Variants in ZBED4 observed in about 807,000 individuals in gnomAD.
ZBED4 encodes the protein zinc finger BED-type containing 4, also known as zinc finger BED domain-containing protein 4.
A neutral mutation model predicts 15.5 loss-of-function variants in ZBED4; 4 were observed. The observed-to-expected ratio is 0.26, with a 90% CI of 0.13 to 0.59. The LOEUF (loss-of-function observed/expected upper bound fraction) is 0.59, where lower values mean the gene tolerates loss of function less well. ZBED4 is among the 20% of genes least tolerant of loss of function. The probability of loss-of-function intolerance (pLI) is 0.90; values close to 1 mark genes in which losing one functional copy is unlikely to be tolerated. For missense variants in ZBED4, 1,323 were observed against 1,461.8 expected (o/e 0.91, Z 1.55); for synonymous variants, 692 against 608.5 (o/e 1.14, Z -2.02).
At chr22:49,861,138 T>A (rs998336773) in intron 1 of ZBED4, among the ~76,000 whole-genome samples, 1 of 152,218 alleles carries the variant, frequency 6.6e-6, no homozygotes, top group Non-Finnish European at 1.5e-5. Context: ...CCACAACTCA[T>A]TTCCCCTCCT....
upstream of ZBED4, among the ~76,000 whole-genome samples, chr22:49,853,595 G>A (rs1404361671): frequency 6.6e-6 from 1 of 152,102 alleles, no homozygotes; most frequent in African/African-American, 2.4e-5. Flanking sequence ...CGCCAGCGCC[G>A]GAGCGCCCAC....
rs114383207 is a variant in ZBED4 at position 49,883,827 on chromosome 22, T to G, written c.165T>G (p.Gly55=). 248 of 1,612,040 alleles carry G rather than the reference T, an allele frequency of 1.5e-4. 1 individual carries two copies. In the African/African-American group the frequency reaches 2.6e-3, roughly 17 times the overall value. The change falls in exon 2 of 2, where the codon GGT becomes GGG. Residue 55 remains glycine (G), a synonymous_variant. Coordinates refer to ENST00000216268, the MANE Select transcript of ZBED4 (RefSeq NM_014838.3). ...EQEDMKQTDS[G]GERAGLGGTG... ...AGGACATGAAGCAGACAGACAGCGG[T>G]GGGGAGCGAGCGGGCCTCGGTGGGA...
At chr22:49,864,516 C>T (rs1159277366) in intron 1 of ZBED4, among the ~76,000 whole-genome samples, 4 of 152,086 alleles carry the variant, frequency 2.6e-5, no homozygotes, top group Non-Finnish European at 5.9e-5. Context: ...GTCGAAAATG[C>T]ACTTAATACC....
rs2060458055 is a variant in ZBED4 at position 49,889,644 on chromosome 22, C to T, written c.*2466C>T. The T allele has an allele frequency of 6.0e-6, 1 of 167,098 alleles. No homozygotes were observed. Among genetic ancestry groups the T allele is most frequent in the African/African-American group, 2.4e-5 (1 of 41,392 alleles). The allele number at this position is 167,098 out of a possible 1,614,324, so 10.4% of individuals were successfully genotyped here. A position where few individuals can be genotyped will look rare whatever the true frequency, so the allele number is the denominator to read the frequency against. ...GAGAGTCATTTTATCTCATACATTC[C>T]CTTCATTTCGTTGGTGGACATTTGT... On this transcript the variant is annotated 3_prime_UTR_variant, in exon 2 of 2. Transcript: ENST00000216268.
rs1387028181 is a variant in ZBED4, at chr22:49,884,030, A to AT, written c.375dup (p.Ile126TyrfsTer8). The stretch of plus-strand genomic sequence containing the variant: ...AGGAAGAAGTCTCCAGCCTGGAAGC[A>AT]TTTTTTTATCTCTCCCCGAGACAGC... On this transcript the variant is annotated frameshift_variant, in exon 2 of 2. Transcript: ENST00000216268. LOFTEE classifies it low-confidence loss of function (END_TRUNC). The AT allele has an allele frequency of 1.2e-6, 2 of 1,606,572 alleles. No homozygotes were observed. Among genetic ancestry groups the AT allele is most frequent in the Non-Finnish European group, 1.7e-6 (2 of 1,177,586 alleles).
chr22:49,865,321 G>A (rs556944635), intron 1 of ZBED4, among the ~76,000 whole-genome samples: 2 of 152,200 alleles, frequency 1.3e-5, no homozygotes, highest in East Asian at 3.9e-4. Flanking sequence ...GCCGAGTGAG[G>A]TGTTGCTGTG....
At chr22:49,875,689 G>A (rs2060372943) in intron 1 of ZBED4, among the ~76,000 whole-genome samples, 1 of 152,090 alleles carries the variant, frequency 6.6e-6, no homozygotes, top group African/African-American at 2.4e-5. Context: ...CCAAAGAGCT[G>A]GGATTACAGG....
In ZBED4 at chr22:49,854,148, G is replaced by T. The variant is rs1434731760; in HGVS notation, c.-330+159G>T. Among the ~76,000 whole-genome samples the T allele has an allele frequency of 6.2e-5, 9 of 145,042 alleles. No individual in the cohort carries two copies. The East Asian group carries it at 1.8e-3, about 30-fold the overall frequency. On this transcript the variant is annotated intron_variant, in intron 1 of 1. Transcript: ENST00000216268. The stretch of plus-strand genomic sequence containing the variant: ...GCGGTTCCGTGGCCTCGGGGTCCCC[G>T]CCCGGCGCCGCCCCGGACCCGCCCC...
chr22:49,886,516 TC>T lies in ZBED4; in HGVS notation c.2856del (p.Thr953ProfsTer33). The T allele has an allele frequency of 6.4e-7, 1 of 1,569,302 alleles. No individual in the cohort carries two copies. The highest frequency in any genetic ancestry group is 8.6e-7 in the Non-Finnish European group (1 of 1,156,658). On this transcript the variant is annotated frameshift_variant, in exon 2 of 2. Transcript: ENST00000216268. LOFTEE classifies it low-confidence loss of function (END_TRUNC). This position sits in a 1 kb window ranked among gnomAD's most constrained non-coding sequence, Gnocchi z 7.7. ...AASREMSTQM[S>X]TLSQVIPMVH... ...GAGCCGGGAGATGAGCACGCAGATGTCCACCCTCAGCCAGGTCATCCCCATG... is the reference window on the plus strand; with the variant it reads ...GAGCCGGGAGATGAGCACGCAGATGTCACCCTCAGCCAGGTCATCCCCATG...
In ZBED4 at chr22:49,864,474, A is replaced by G. The variant is rs558529013; in HGVS notation, c.-330+10485A>G. ...ACGTACTACAGATGCTTCGCAACTC[A>G]GGACACGGCCACGTCCGATAAACCC... On this transcript the variant is annotated intron_variant, in intron 1 of 1. Coordinates refer to ENST00000216268, the MANE Select transcript of ZBED4 (RefSeq NM_014838.3). 1.1e-4 allele frequency among the ~76,000 whole-genome samples: 17 copies of G among 152,334 alleles called. No homozygotes were observed. The East Asian group carries it at 3.3e-3, about 29-fold the overall frequency.
Position 49,884,376 on chromosome 22 carries a change from C to T in ZBED4, c.714C>T (p.Asp238=). ...TTTCTTCTGAAGAAATCTCCTCTGA[C>T]ATGTCCGTTTCGGAGAAGTGCGGCA... ...SVVSSEEISS[D]MSVSEKCGRE... The change falls in exon 2 of 2, where the codon GAC becomes GAT. Residue 238 remains aspartate (D), a synonymous_variant. Coordinates refer to ENST00000216268, the MANE Select transcript of ZBED4 (RefSeq NM_014838.3). 1.9e-6 allele frequency: 3 copies of T among 1,612,876 alleles called. No individual in the cohort carries two copies. Among genetic ancestry groups the T allele is most frequent in the East Asian group, 4.5e-5 (2 of 44,874 alleles).
At chr22:49,859,258 TG>T (rs1357704106) in intron 1 of ZBED4, among the ~76,000 whole-genome samples, 1 of 152,226 alleles carries the variant, frequency 6.6e-6, no homozygotes, top group Non-Finnish European at 1.5e-5. Context: ...TAGCGGAAGA[TG>T]GTCTAGTAGA....
Position 49,887,243 on chromosome 22 carries a change from C to A in ZBED4, c.*65C>A. 1.3e-6 allele frequency: 2 copies of A among 1,510,880 alleles called. No individual in the cohort carries two copies. Among genetic ancestry groups the A allele is most frequent in the Non-Finnish European group, 1.8e-6 (2 of 1,115,434 alleles). 93.6% of individuals were successfully genotyped at this position (1,510,880 alleles called of 1,614,324 possible). On this transcript the variant is annotated 3_prime_UTR_variant, in exon 2 of 2. Coordinates refer to ENST00000216268, the MANE Select transcript of ZBED4 (RefSeq NM_014838.3). Reference sequence around the variant, plus strand: ...CCAGCGTTAGCAGCCTGTACCAGGTCTATGACCCGCTCTGCCCACGGCTGT... The same window carrying A: ...CCAGCGTTAGCAGCCTGTACCAGGTATATGACCCGCTCTGCCCACGGCTGT...
chr22:49,855,696 GT>G (rs1377519953), intron 1 of ZBED4, among the ~76,000 whole-genome samples: 1 of 152,114 alleles, frequency 6.6e-6, no homozygotes, highest in Non-Finnish European at 1.5e-5. Flanking sequence ...TTTGTTTTGC[GT>G]TTTTTTCTTT....
chr22:49,861,182 CTG>C (rs1018048449), intron 1 of ZBED4, among the ~76,000 whole-genome samples: 31 of 152,166 alleles, frequency 2.0e-4, no homozygotes, highest in African/African-American at 3.6e-4. Flanking sequence ...GCTGTTGACA[CTG>C]TGTGTGTCTG....
intron 1 of ZBED4, among the ~76,000 whole-genome samples, chr22:49,865,926 G>A (rs929328675): frequency 6.7e-6 from 1 of 149,816 alleles, no homozygotes; most frequent in African/African-American, 2.5e-5. Flanking sequence ...TGCCCAGGCT[G>A]GTCTCAAACT....
chr22:49,873,991 A>G (rs2060361890), intron 1 of ZBED4, among the ~76,000 whole-genome samples: 1 of 152,258 alleles, frequency 6.6e-6, no homozygotes, highest in African/African-American at 2.4e-5. Context: ...GCCGAGAACA[A>G]GAATGAGCTT....
At chr22:49,858,240 G>T (rs1324878227) in intron 1 of ZBED4, among the ~76,000 whole-genome samples, 2 of 152,246 alleles carry the variant, frequency 1.3e-5, no homozygotes, top group African/African-American at 4.8e-5. Context: ...GTTGGCTTCT[G>T]TGTGGGCAGC....
intron 1 of ZBED4, among the ~76,000 whole-genome samples, chr22:49,856,870 A>T (rs980975304): frequency 1.3e-5 from 2 of 150,994 alleles, no homozygotes; most frequent in Admixed American, 1.3e-4. Flanking sequence ...GCCGCGCTGC[A>T]ATGCCAGCCA....
Sources: gnomAD v4.1 joint callset for allele counts (sites outside exome capture counted in the v4.1 genomes callset) on GRCh38, gnomAD v4.1.1 for gene constraint, Gnocchi (gnomAD v3.1) non-coding constraint, MANE v1.5 for transcripts, NCBI Gene and HGNC (gene_info 2026-07-23, HGNC 2026-07-21) for gene names.